The following TRPM3 variants were observed in gnomAD, a reference collection of about 807,000 sequenced individuals.
TRPM3 encodes transient receptor potential cation channel subfamily M member 3.
A neutral mutation model predicts 181.2 loss-of-function variants in TRPM3; 77 were observed. That is an observed-to-expected ratio of 0.42 (90% confidence interval 0.35 to 0.51). The LOEUF (loss-of-function observed/expected upper bound fraction) is 0.51. Among genes scored for constraint, TRPM3 ranks in the 20% least tolerant of loss-of-function variants. The probability of loss-of-function intolerance (pLI) is 0.01; values close to 1 mark genes in which losing one functional copy is unlikely to be tolerated. For missense variants in TRPM3, 1,759 were observed against 2,196.7 expected (o/e 0.80, Z 3.98); for synonymous variants, 745 against 796.4 (o/e 0.94, Z 1.09).
At chr9:70,757,353 A>C (rs2077261051) in intron 8 of TRPM3, among the ~76,000 whole-genome samples, 1 of 152,232 alleles carries the variant, frequency 6.6e-6, no homozygotes, top group Non-Finnish European at 1.5e-5. Context: ...TAGCCTACCA[A>C]CCAATAAAAG....
chr9:70,615,931 C>T lies in TRPM3; in HGVS notation c.2503G>A (p.Glu835Lys). ...ACTGTGAGCTCCATGTCCTCTTCCT[C>T]TTTTTCCTTTGTGGGCTTCTCTGGT... ...EEPEKPTKEK[E>K]EEDMELTAML... Residue 835 changes from glutamate (E) to lysine (K), a missense_variant, in exon 18 of 26, where the codon GAG becomes AAG. This residue lies in a region of TRPM3 where 114 missense variants were observed against 134.8 expected (regional missense o/e 0.85). Transcript: ENST00000677713. The T allele has an allele frequency of 6.2e-7, 1 of 1,607,592 alleles. No individual in the cohort carries two copies. Among genetic ancestry groups the T allele is most frequent in the East Asian group, 2.2e-5 (1 of 44,762 alleles).
intron 8 of TRPM3, among the ~76,000 whole-genome samples, chr9:70,746,029 G>T (rs534766753): frequency 6.6e-6 from 1 of 152,250 alleles, no homozygotes; most frequent in East Asian, 1.9e-4. Context: ...GCCACACACT[G>T]TGCCAACATT....
At chr9:70,623,560 G>T (rs1241318207) in intron 14 of TRPM3, among the ~76,000 whole-genome samples, 1 of 152,168 alleles carries the variant, frequency 6.6e-6, no homozygotes, top group African/African-American at 2.4e-5. Flanking sequence ...AAGCAGTGGT[G>T]AGTAAAGCTG....
chr9:70,803,311 G>A (rs1022732637), intron 6 of TRPM3, among the ~76,000 whole-genome samples: 2 of 152,058 alleles, frequency 1.3e-5, no homozygotes, highest in Non-Finnish European at 2.9e-5. Flanking sequence ...CTTCACTTTG[G>A]CTTCCAGACA....
At chr9:71,309,478 A>G (rs2087711970) in intron 1 of TRPM3, among the ~76,000 whole-genome samples, 1 of 152,186 alleles carries the variant, frequency 6.6e-6, no homozygotes, top group Non-Finnish European at 1.5e-5. Flanking sequence ...CTTAGTAAAC[A>G]TATTGGAAGG....
At chr9:71,028,620 T>A (rs2056886360) in intron 1 of TRPM3, among the ~76,000 whole-genome samples, 2 of 142,484 alleles carry the variant, frequency 1.4e-5, no homozygotes, top group African/African-American at 2.6e-5. Flanking sequence ...TCATGAAAAA[T>A]CTACCAAATG....
intron 1 of TRPM3, among the ~76,000 whole-genome samples, chr9:71,399,684 A>G (rs2093295493): frequency 6.6e-6 from 1 of 151,156 alleles, no homozygotes; most frequent in Non-Finnish European, 1.5e-5. Flanking sequence ...ACCCGCCACC[A>G]CGCCCAGCTA....
At chr9:70,857,326 GGT>G (rs201945005) in intron 3 of TRPM3, among the ~76,000 whole-genome samples, 9,765 of 151,998 alleles carry the variant, frequency 0.064, 419 homozygotes, top group South Asian at 0.097. Flanking sequence ...GTCAAGGGCT[GGT>G]TTCACTGTGA....
At chr9:70,776,554 T>A (rs898042896) in intron 7 of TRPM3, 1 of 650,088 alleles carries the variant, frequency 1.5e-6, no homozygotes, top group Admixed American at 2.7e-5. Flanking sequence ...AAAAACTCCA[T>A]GTAAATAAAA....
intron 1 of TRPM3, among the ~76,000 whole-genome samples, chr9:71,158,958 C>A (rs917199965): frequency 6.6e-6 from 1 of 151,778 alleles, no homozygotes; most frequent in South Asian, 2.1e-4. Context: ...GCTTTTAGAA[C>A]CCAGCTGGAA....
rs747249566 is a variant in TRPM3 at position 70,536,099 on chromosome 9, G to A, written c.5014C>T (p.Leu1672Phe). 2 of 1,614,206 alleles carry A rather than the reference G, an allele frequency of 1.2e-6. No homozygotes were observed. The change falls in exon 26 of 26, where the codon CTC becomes TTC. Residue 1672 changes from leucine (L) to phenylalanine (F), a missense_variant. Physicochemically the swap from Leu to Phe is conservative, Grantham distance 22 (BLOSUM62 0). Transcript: ENST00000677713. ...TRKSFSISDKLDRQRNTASLR... is the reference protein window; with the variant it reads ...TRKSFSISDKFDRQRNTASLR... The stretch of plus-strand genomic sequence containing the variant: ...CTTGCTGTGTTCCGCTGCCTGTCGA[G>A]TTTGTCACTGATGGAGAAGCTCTTC...
chr9:70,928,320 TC>T (rs1306624867), intron 1 of TRPM3, among the ~76,000 whole-genome samples: 1 of 152,214 alleles, frequency 6.6e-6, no homozygotes, highest in Admixed American at 6.5e-5. Context: ...ACAGACCATG[TC>T]CCGTAATTCC....
In TRPM3 at chr9:70,863,183, C is replaced by A. The variant is rs950687161; in HGVS notation, c.258-71G>T. 1.7e-5 allele frequency: 23 copies of A among 1,326,800 alleles called. No homozygotes were observed. In the African/African-American group the frequency reaches 3.2e-4, roughly 18 times the overall value. 82.2% of individuals were successfully genotyped at this position (1,326,800 alleles called of 1,614,324 possible). On this transcript the variant is annotated intron_variant, in intron 2 of 25. Coordinates refer to ENST00000677713, the MANE Select transcript of TRPM3 (RefSeq NM_001366145.2). The stretch of plus-strand genomic sequence containing the variant: ...TGGGATACACACTTAAGGCAACCAG[C>A]TGGAGAAATCTATAGTCTGTGCCAA...
intron 8 of TRPM3, among the ~76,000 whole-genome samples, chr9:70,752,033 T>TGTGTGTGTGTGTGTGC: frequency 8.6e-6 from 1 of 115,930 alleles, no homozygotes; most frequent in Admixed American, 8.4e-5. Flanking sequence ...TGTGTGTGTG[T>TGTGTGTGTGTGTGTGC]GTGTGTGTGT....
chr9:71,341,666 T>C (rs2090969436), intron 1 of TRPM3, among the ~76,000 whole-genome samples: 1 of 16,266 alleles, frequency 6.1e-5, no homozygotes, highest in Non-Finnish European at 3.6e-4. Flanking sequence ...AAAAAGAAAC[T>C]AGTAAAAAAA....
intron 25 of TRPM3, among the ~76,000 whole-genome samples, chr9:70,548,088 C>A (rs879934398): frequency 6.6e-6 from 1 of 152,148 alleles, no homozygotes. Flanking sequence ...TTTCAAAGGC[C>A]TGTAGACAAA....
intron 1 of TRPM3, among the ~76,000 whole-genome samples, chr9:71,446,106 A>C (rs1424088230): frequency 6.6e-6 from 1 of 152,238 alleles, no homozygotes; most frequent in African/African-American, 2.4e-5. Flanking sequence ...GTTAAGCAGT[A>C]GGATTACAAG....
intron 1 of TRPM3, among the ~76,000 whole-genome samples, chr9:71,034,472 C>T (rs1012764245): frequency 6.6e-6 from 1 of 151,912 alleles, no homozygotes; most frequent in Non-Finnish European, 1.5e-5. Flanking sequence ...GGGGTCACTT[C>T]TATGTGTGAT....
intron 7 of TRPM3, among the ~76,000 whole-genome samples, chr9:70,763,819 A>T (rs994788152): frequency 6.6e-6 from 1 of 152,170 alleles, no homozygotes; most frequent in Non-Finnish European, 1.5e-5. Context: ...AAGTAAAGAA[A>T]CTTGTGGCAA....
Sources: gnomAD v4.1 joint callset for allele counts (sites outside exome capture counted in the v4.1 genomes callset) on GRCh38, gnomAD v4.1.1 for gene constraint, gnomAD v4.1.1 regional missense constraint, MANE v1.5 for transcripts, NCBI Gene and HGNC (gene_info 2026-07-23, HGNC 2026-07-21) for gene names.